DTNA: variants seen among roughly 807,000 people sequenced by gnomAD.
DTNA encodes dystrobrevin alpha, also known as dystrophin-related protein 3.
DTNA carries 43 observed loss-of-function variants against 100.7 expected under a neutral mutation model. The ratio of observed to expected loss-of-function variants is 0.43; its 90% confidence interval spans 0.33 to 0.55. The LOEUF (loss-of-function observed/expected upper bound fraction) is 0.55. Ranked by LOEUF, DTNA falls within the 20% of genes least tolerant of loss-of-function variation. The probability of loss-of-function intolerance (pLI) is 0.04; values close to 1 mark genes in which losing one functional copy is unlikely to be tolerated. For missense variants in DTNA, 798 were observed against 953.9 expected (o/e 0.84, Z 2.15); for synonymous variants, 349 against 347.9 (o/e 1.00, Z -0.04).
At chr18:34,621,232 G>GATAT (rs560113516) in intron 1 of DTNA, among the ~76,000 whole-genome samples, 6 of 147,464 alleles carry the variant, frequency 4.1e-5, no homozygotes, top group African/African-American at 5.0e-5. Flanking sequence ...ACATATATAT[G>GATAT]ATATATATAT....
chr18:34,690,143 G>C (rs1568229084), intron 1 of DTNA, among the ~76,000 whole-genome samples: 1 of 152,180 alleles, frequency 6.6e-6, no homozygotes, highest in Non-Finnish European at 1.5e-5. Context: ...CCCCTTCCCA[G>C]GGGAGTGAAC....
intron 1 of DTNA, among the ~76,000 whole-genome samples, chr18:34,562,240 C>A (rs2046706133): frequency 1.3e-5 from 2 of 152,160 alleles, no homozygotes; most frequent in Admixed American, 6.5e-5. Flanking sequence ...ACACATACAT[C>A]TTTAAATAAA....
Position 34,888,615 on chromosome 18 carries a change from T to C in DTNA, c.*881T>C. The C allele has an allele frequency of 8.1e-6, 8 of 985,894 alleles. No individual in the cohort carries two copies. The highest frequency in any genetic ancestry group is 9.6e-6 in the Non-Finnish European group (8 of 829,938). The allele number at this position is 985,894 out of a possible 1,614,324, so 61.1% of individuals were successfully genotyped here. A position where few individuals can be genotyped will look rare whatever the true frequency, so the allele number is the denominator to read the frequency against. ...GTTTTTAAAATCAGCACAGATCTTC[T>C]TAAAAACTGTGAACTATGTTTTGAA... On this transcript the variant is annotated 3_prime_UTR_variant, in exon 23 of 23. Transcript: ENST00000444659.
At chr18:34,714,815 C>T (rs1272953532) in intron 1 of DTNA, among the ~76,000 whole-genome samples, 1 of 152,020 alleles carries the variant, frequency 6.6e-6, no homozygotes, top group Non-Finnish European at 1.5e-5. Flanking sequence ...GCCAAACGTC[C>T]AACAATGATA....
chr18:34,736,717 G>A (rs1447950858), intron 1 of DTNA, among the ~76,000 whole-genome samples: 2 of 152,122 alleles, frequency 1.3e-5, no homozygotes, highest in African/African-American at 2.4e-5. Context: ...GTGATATTAT[G>A]AACCTCCAAA....
rs2092726086 is a variant in DTNA at position 34,755,783 on chromosome 18, C to G, written c.-1-193C>G. The G allele has an allele frequency of 5.3e-6, 3 of 571,278 alleles. No homozygotes were observed. In the Admixed American group the frequency reaches 9.0e-5, roughly 17 times the overall value. The allele number at this position is 571,278 out of a possible 1,614,324, so 35.4% of individuals were successfully genotyped here. On this transcript the variant is annotated intron_variant, in intron 1 of 22. Coordinates refer to ENST00000444659, the MANE Select transcript of DTNA (RefSeq NM_001386795.1). The stretch of plus-strand genomic sequence containing the variant: ...TTTATCCCCCCTCCAACAACTACAA[C>G]AATAATATATATGGAAAAATATGCG...
At chr18:34,773,678 G>T (rs1601788228) in intron 3 of DTNA, among the ~76,000 whole-genome samples, 1 of 152,108 alleles carries the variant, frequency 6.6e-6, no homozygotes, top group African/African-American at 2.4e-5. Flanking sequence ...TGGTGGCAGT[G>T]GAATATAAAC....
chr18:34,566,576 C>T (rs1476749269), intron 1 of DTNA, among the ~76,000 whole-genome samples: 4 of 152,234 alleles, frequency 2.6e-5, no homozygotes, highest in African/African-American at 9.6e-5. Flanking sequence ...AAATATGAGA[C>T]AGACTGTGCA....
In DTNA at chr18:34,827,288, T is replaced by C. The variant is rs573528997; in HGVS notation, c.1002-305T>C. On this transcript the variant is annotated intron_variant, in intron 9 of 22. Coordinates refer to ENST00000444659, the MANE Select transcript of DTNA (RefSeq NM_001386795.1). ...AGTAGAAGTAAAGCCACTACCTTCT[T>C]CAAAATCCTTGCTTCATTCCAGAAT... Among the ~76,000 whole-genome samples the C allele has an allele frequency of 1.7e-3, 254 of 152,244 alleles. 1 individual carries two copies. The highest frequency in any genetic ancestry group is 3.1e-3 in the Non-Finnish European group (210 of 68,000).
intron 4 of DTNA, among the ~76,000 whole-genome samples, chr18:34,802,259 G>C (rs1414326712): frequency 6.6e-6 from 1 of 152,232 alleles, no homozygotes; most frequent in African/African-American, 2.4e-5. Context: ...GCAGCTGACA[G>C]CCAGCATTCC....
intron 1 of DTNA, among the ~76,000 whole-genome samples, chr18:34,518,704 C>CGTGTGTGTGTGT (rs57035462): frequency 1.6e-5 from 2 of 121,536 alleles, no homozygotes; most frequent in African/African-American, 3.1e-5. Flanking sequence ...ATTTGGCAAA[C>CGTGTGTGTGTGT]GTGTGTGTGT....
chr18:34,786,176 G>A lies in DTNA; in HGVS notation c.149-7861G>A, dbSNP rs1178904692. Among the ~76,000 whole-genome samples the A allele has an allele frequency of 5.3e-5, 8 of 152,226 alleles. No homozygotes were observed. In the East Asian group the frequency reaches 5.8e-4, roughly 11 times the overall value. On this transcript the variant is annotated intron_variant, in intron 3 of 22. Transcript: ENST00000444659. ...TAGGAACAAGACAATGCTTATATGC[G>A]TGTTCATCTGTTCATTCTAAGGACA...
chr18:34,730,213 AC>A (rs1326664048), intron 1 of DTNA, among the ~76,000 whole-genome samples: 3 of 152,148 alleles, frequency 2.0e-5, no homozygotes, highest in Non-Finnish European at 4.4e-5. Flanking sequence ...AACAGATAAT[AC>A]CCATGGGGGA....
At chr18:34,880,996 T>C (rs1396504498) in intron 20 of DTNA, among the ~76,000 whole-genome samples, 1 of 152,200 alleles carries the variant, frequency 6.6e-6, no homozygotes, top group African/African-American at 2.4e-5. Flanking sequence ...TCCAAGACTA[T>C]TGAGGCCACC....
intron 1 of DTNA, among the ~76,000 whole-genome samples, chr18:34,583,739 A>C (rs2048858852): frequency 6.6e-6 from 1 of 152,152 alleles, no homozygotes; most frequent in Non-Finnish European, 1.5e-5. Context: ...GACTGGAGGC[A>C]AAAAGGATTG....
intron 1 of DTNA, among the ~76,000 whole-genome samples, chr18:34,626,743 C>T (rs1441647536): frequency 6.6e-6 from 1 of 152,224 alleles, no homozygotes; most frequent in Non-Finnish European, 1.5e-5. Context: ...GCTTTAGGGT[C>T]TGCTCCAGTT....
intron 1 of DTNA, among the ~76,000 whole-genome samples, chr18:34,596,999 CCTAG>C (rs1011808087): frequency 1.3e-5 from 2 of 152,142 alleles, no homozygotes; most frequent in African/African-American, 4.8e-5. Flanking sequence ...CTATCCCTCC[CCTAG>C]CCCCCAATTC....
At position 34,765,982 on chromosome 18, in the gene DTNA, T is replaced by A. The variant is rs928888854; in HGVS notation, c.89T>A (p.Ile30Asn). ...AEMRAQDLDR[I>N]RLSTYRTACK... ...CTAGGGGCTCAAGATCTGGATCGCA[T>A]CCGACTCTCCACCTACAGAACAGCA... The change falls in exon 3 of 23, where the codon ATC becomes AAC. Residue 30 changes from isoleucine (I) to asparagine (N), a missense_variant. Ile to Asn is a moderately radical substitution (Grantham distance 149). Transcript: ENST00000444659. The A allele has an allele frequency of 6.2e-7, 1 of 1,613,854 alleles. No individual in the cohort carries two copies. The highest frequency in any genetic ancestry group is 8.5e-7 in the Non-Finnish European group (1 of 1,179,758).
At position 34,887,806 on chromosome 18, in the gene DTNA, C is replaced by A. The variant is rs1469226384; in HGVS notation, c.*72C>A. On this transcript the variant is annotated 3_prime_UTR_variant, in exon 23 of 23. Transcript: ENST00000444659. The stretch of plus-strand genomic sequence containing the variant: ...ACAGATGATGAAAGTAACATGAAAA[C>A]TGGTGATGATGGAGAGCCCTGTGGC... The A allele has an allele frequency of 5.1e-6, 5 of 985,802 alleles. No homozygotes were observed. The highest frequency in any genetic ancestry group is 6.0e-6 in the Non-Finnish European group (5 of 829,964). The allele number at this position is 985,802 out of a possible 1,614,324, so 61.1% of individuals were successfully genotyped here. A position where few individuals can be genotyped will look rare whatever the true frequency, so the allele number is the denominator to read the frequency against.
Sources: gnomAD v4.1 joint callset for allele counts (sites outside exome capture counted in the v4.1 genomes callset) on GRCh38, gnomAD v4.1.1 for gene constraint, MANE v1.5 for transcripts, NCBI Gene and HGNC (gene_info 2026-07-23, HGNC 2026-07-21) for gene names.